Variants in PLB1 observed in about 807,000 individuals in gnomAD.
PLB1 encodes the protein phospholipase B1.
In PLB1, 242 loss-of-function variants were observed where a neutral mutation model predicts 227.4. The observed-to-expected ratio is 1.06, with a 90% CI of 0.96 to 1.18. The LOEUF (loss-of-function observed/expected upper bound fraction) is 1.18. Among genes scored for constraint, PLB1 ranks in the 50% most tolerant of loss-of-function variants. The pLI, the probability that PLB1 is intolerant of heterozygous loss-of-function variation, is 0.00. For missense variants in PLB1, 1,858 were observed against 1,816.3 expected, an observed-to-expected ratio of 1.02 and a Z score of -0.42; for synonymous variants, 757 against 682.2, an observed-to-expected ratio of 1.11 and a Z score of -1.71.
intron 20 of PLB1, among the ~76,000 whole-genome samples, chr2:28,572,239 G>A (rs1678131865): frequency 2.6e-5 from 4 of 152,302 alleles, no homozygotes; most frequent in African/African-American, 9.6e-5. Context: ...GGTTATAATA[G>A]GAAGACATAA....
At chr2:28,614,914 C>T (rs1217256516) in intron 44 of PLB1, among the ~76,000 whole-genome samples, 2 of 152,186 alleles carry the variant, frequency 1.3e-5, no homozygotes, top group African/African-American at 4.8e-5. Context: ...AGATGGATCC[C>T]GGCCCTCACG....
chr2:28,500,256 A>G (rs1666933277), intron 1 of PLB1, among the ~76,000 whole-genome samples: 4 of 152,264 alleles, frequency 2.6e-5, no homozygotes, highest in Admixed American at 2.6e-4. Context: ...CTTTTGTGTC[A>G]GTGAACATCT....
intron 1 of PLB1, among the ~76,000 whole-genome samples, chr2:28,505,956 C>T (rs780379836): frequency 6.6e-6 from 1 of 152,216 alleles, no homozygotes; most frequent in Non-Finnish European, 1.5e-5. Context: ...CTCCAAATGT[C>T]TGCTTTGGAC....
chr2:28,566,217 A>T (rs1676869884), intron 19 of PLB1, among the ~76,000 whole-genome samples: 1 of 151,314 alleles, frequency 6.6e-6, no homozygotes, highest in Non-Finnish European at 1.5e-5. Context: ...AACCTTTTAG[A>T]TGCTCCTAGA....
intron 42 of PLB1, 61 bp from the exon 43 acceptor site, chr2:28,606,435 A>AATG: frequency 1.3e-6 from 2 of 1,507,398 alleles, no homozygotes; most frequent in Non-Finnish European, 1.8e-6. Flanking sequence ...TCTGCCAGGG[A>AATG]ATGTTCACTT....
At chr2:28,582,600 A>C (rs1315333083) in intron 25 of PLB1, 95 bp downstream of exon 25, 1 of 944,684 alleles carries the variant, frequency 1.1e-6, no homozygotes, top group Non-Finnish European at 1.6e-6. Flanking sequence ...CAAGGGCCGA[A>C]GTGTGAAAGG....
chr2:28,517,701 G>A (rs933048845), intron 2 of PLB1, among the ~76,000 whole-genome samples: 2 of 152,010 alleles, frequency 1.3e-5, no homozygotes, highest in African/African-American at 2.4e-5. Flanking sequence ...TTTAGTCAAG[G>A]TATCTTGAGT....
chr2:28,537,319 T>C (rs1256532326), intron 9 of PLB1, among the ~76,000 whole-genome samples: 1 of 152,116 alleles, frequency 6.6e-6, no homozygotes, highest in Non-Finnish European at 1.5e-5. Flanking sequence ...CAAGTTGCCT[T>C]AGGGGACAGC....
intron 57 of PLB1, among the ~76,000 whole-genome samples, chr2:28,642,447 C>G (rs745724147): frequency 2.0e-4 from 30 of 152,172 alleles, no homozygotes; most frequent in Non-Finnish European, 4.0e-4. Context: ...TACTACAAAA[C>G]CAGCTGTCCT....
chr2:28,501,639 G>C (rs1018180820), intron 1 of PLB1, among the ~76,000 whole-genome samples: 4 of 152,080 alleles, frequency 2.6e-5, no homozygotes, highest in Admixed American at 6.5e-5. Flanking sequence ...TGTCATTCCT[G>C]TAGGTAACCA....
intron 56 of PLB1, among the ~76,000 whole-genome samples, chr2:28,634,527 C>T (rs553919934): frequency 6.6e-6 from 1 of 152,172 alleles, no homozygotes; most frequent in Non-Finnish European, 1.5e-5. Flanking sequence ...AAATCTGGGA[C>T]CCTCCAGGAA....
rs1271853889 is a variant in PLB1, at chr2:28,605,918, C to T, written c.3027C>T (p.Ser1009=). 2 of 1,613,386 alleles carry T rather than the reference C, an allele frequency of 1.2e-6. No homozygotes were observed. Among genetic ancestry groups the T allele is most frequent in the Non-Finnish European group, 1.7e-6 (2 of 1,179,466 alleles). Residue 1009 remains serine (S), a synonymous_variant, in exon 42 of 58, where the codon TCC becomes TCT. Coordinates refer to ENST00000327757, the MANE Select transcript of PLB1 (RefSeq NM_153021.5). Reference sequence around the variant, plus strand: ...TCCACCCAAATCAGAAATTCCACTCCCAGCTGGCCAGAGCCCTTTGGACCA... The same window carrying T: ...TCCACCCAAATCAGAAATTCCACTCTCAGCTGGCCAGAGCCCTTTGGACCA... ...DCIHPNQKFH[S]QLARALWTNM...
intron 8 of PLB1, 95 bp from the exon 9 acceptor site, chr2:28,532,013 G>C (rs531179732): frequency 1.1e-6 from 1 of 919,676 alleles, no homozygotes; most frequent in Non-Finnish European, 1.7e-6. Flanking sequence ...TTTCAGGGAT[G>C]GGTGTATGAA....
rs1379580281 is a variant in PLB1, at chr2:28,601,963, A to AG, written c.2673+1dup. On this transcript the variant is annotated frameshift_variant and splice_region_variant, in exon 38 of 58. Coordinates refer to ENST00000327757, the MANE Select transcript of PLB1 (RefSeq NM_153021.5). LOFTEE classifies it high-confidence loss of function. Reference sequence around the variant, plus strand: ...AATGCCTTGGACGTCCTGCATAGAGAGGTGGGTGGGGGGCTTCCACAAGCT... The same window carrying AG: ...AATGCCTTGGACGTCCTGCATAGAGAGGGTGGGTGGGGGGCTTCCACAAGCT... 6.2e-7 allele frequency: 1 copy of AG among 1,609,116 alleles called. No individual in the cohort carries two copies. The highest frequency in any genetic ancestry group is 8.5e-7 in the Non-Finnish European group (1 of 1,175,836).
intron 41 of PLB1, among the ~76,000 whole-genome samples, 186 bp downstream of exon 41, chr2:28,604,945 G>A (rs1263334021): frequency 6.6e-6 from 1 of 152,198 alleles, no homozygotes; most frequent in Non-Finnish European, 1.5e-5. Context: ...CATGACCCCT[G>A]TAACAGCCTC....
intron 21 of PLB1, among the ~76,000 whole-genome samples, chr2:28,576,765 C>T (rs1282152949): frequency 6.6e-6 from 1 of 152,156 alleles, no homozygotes; most frequent in Non-Finnish European, 1.5e-5. Flanking sequence ...AGTAATCATC[C>T]TCAAACTCTG....
chr2:28,530,968 C>G (rs1032814092), intron 8 of PLB1, among the ~76,000 whole-genome samples: 1 of 152,168 alleles, frequency 6.6e-6, no homozygotes, highest in East Asian at 1.9e-4. Context: ...AACTGAAGTT[C>G]CCAGAAGTCA....
chr2:28,539,688 A>G (rs929344452), intron 11 of PLB1, among the ~76,000 whole-genome samples: 11 of 152,146 alleles, frequency 7.2e-5, no homozygotes, highest in African/African-American at 2.7e-4. Context: ...GGCGGTGGAG[A>G]AAAGAGAGTG....
At chr2:28,546,167 C>T (rs894971945) in intron 14 of PLB1, among the ~76,000 whole-genome samples, 1 of 152,200 alleles carries the variant, frequency 6.6e-6, no homozygotes, top group Non-Finnish European at 1.5e-5. Context: ...TGGTGCCAAG[C>T]CGAGGAGGAT....
Sources: gnomAD v4.1 joint callset for allele counts (sites outside exome capture counted in the v4.1 genomes callset) on GRCh38, gnomAD v4.1.1 for gene constraint, MANE v1.5 for transcripts, NCBI Gene and HGNC (gene_info 2026-07-23, HGNC 2026-07-21) for gene names.